MESD: variants seen among roughly 807,000 people sequenced by gnomAD.
MESD encodes the protein mesoderm development LRP chaperone.
Under a neutral mutation model 12.9 loss-of-function variants are expected in MESD, and 7 were observed. The ratio of observed to expected loss-of-function variants is 0.54; its 90% CI spans 0.31 to 1.02. The LOEUF is 1.02. Among genes scored for constraint, MESD ranks in the 50% least tolerant of loss-of-function variants. The probability of loss-of-function intolerance (pLI) is 0.05; values close to 1 mark genes in which losing one functional copy is unlikely to be tolerated. For missense variants in MESD, 342 were observed against 296.7 expected, an observed-to-expected ratio of 1.15 and a Z score of -1.12; for synonymous variants, 126 against 115.6, an observed-to-expected ratio of 1.09 and a Z score of -0.58.
downstream of MESD, among the ~76,000 whole-genome samples, chr15:80,971,211 C>A (rs1902281153): frequency 6.6e-6 from 1 of 152,202 alleles, no homozygotes; most frequent in Non-Finnish European, 1.5e-5. Context: ...TGGCTTTCAG[C>A]TCCAAGCCCT....
intron 3 of MESD, among the ~76,000 whole-genome samples, chr15:80,970,088 G>C (rs1289418958): frequency 6.6e-6 from 1 of 152,172 alleles, no homozygotes; most frequent in East Asian, 1.9e-4. Context: ...GGTGTATGCA[G>C]ATTTTCACAG....
Position 80,982,197 on chromosome 15 carries a change from G to A in MESD, c.214-15C>T. The A allele has an allele frequency of 6.2e-7, 1 of 1,605,298 alleles. No individual in the cohort carries two copies. Among genetic ancestry groups the A allele is most frequent in the Non-Finnish European group, 8.5e-7 (1 of 1,172,722 alleles). On this transcript the variant is annotated splice_polypyrimidine_tract_variant and intron_variant, in intron 1 of 2. Coordinates refer to ENST00000261758, the MANE Select transcript of MESD (RefSeq NM_015154.3). ...TCATCATCTTTCTATCAGATTAGGG[G>A]AAAAGCATCAAACCTATCATCAGAA...
rs563960303 is a variant in MESD at position 80,988,200 on chromosome 15, C to G, written c.213+1379G>C. ...AGCTAGCTTGCTGTGCGATGTGGAG[C>G]AAGTTATTTAACCTCTTTGTGTCTC... On this transcript the variant is annotated intron_variant, in intron 1 of 2. Coordinates refer to ENST00000261758, the MANE Select transcript of MESD (RefSeq NM_015154.3). Among the ~76,000 whole-genome samples the G allele has an allele frequency of 2.0e-5, 3 of 152,318 alleles. No homozygotes were observed. The South Asian group carries it at 6.2e-4, about 32-fold the overall frequency.
intron 1 of MESD, among the ~76,000 whole-genome samples, chr15:80,986,039 T>C (rs1902721553): frequency 6.7e-6 from 1 of 148,220 alleles, no homozygotes; most frequent in Admixed American, 6.7e-5. Context: ...TCAAGAGACT[T>C]AAAAAAAAAA....
chr15:80,963,484 C>G (rs1015596584), intron 3 of MESD, among the ~76,000 whole-genome samples: 6 of 152,150 alleles, frequency 3.9e-5, no homozygotes, highest in African/African-American at 1.4e-4. Context: ...TTTTATGAGG[C>G]CAGCATCATC....
At chr15:80,963,660 C>A (rs768494186) in intron 3 of MESD, among the ~76,000 whole-genome samples, 1 of 152,154 alleles carries the variant, frequency 6.6e-6, no homozygotes, top group Non-Finnish European at 1.5e-5. Context: ...CCCTGGGATG[C>A]GAGGCTGGTT....
At chr15:80,946,962 C>T (rs1158503531), downstream of MESD, 8 of 1,605,116 alleles carry the variant, frequency 5.0e-6, no homozygotes, top group Non-Finnish European at 6.0e-6. Context: ...TCTTCTCACA[C>T]AGTTCCATAG....
chr15:80,981,809 C>T (rs2141812843), intron 2 of MESD, 141 bp downstream of exon 2: 3 of 644,316 alleles, frequency 4.7e-6, no homozygotes, highest in Non-Finnish European at 7.9e-6. Flanking sequence ...GAGCCGAGAT[C>T]ACGCCGCTGC....
intron 1 of MESD, among the ~76,000 whole-genome samples, chr15:80,984,711 T>G (rs1902682679): frequency 6.6e-6 from 1 of 152,170 alleles, no homozygotes; most frequent in Non-Finnish European, 1.5e-5. Context: ...AAAACTAAAA[T>G]GTACACTTTA....
chr15:80,955,616 CGTGTGTGTGTGT>C (rs536028552), intron 3 of MESD, among the ~76,000 whole-genome samples: 6 of 144,902 alleles, frequency 4.1e-5, no homozygotes. Context: ...TGTGTTTGTG[CGTGTGTGTGTGT>C]GTGTGTGTGT....
At chr15:80,980,045 G>A (rs151199371) in intron 2 of MESD, among the ~76,000 whole-genome samples, 23 of 152,328 alleles carry the variant, frequency 1.5e-4, no homozygotes, top group Middle Eastern at 3.4e-3. Context: ...GGAACAAAGC[G>A]GAAAGAATGA....
chr15:80,952,611 A>G (rs1901869534), intron 3 of MESD, among the ~76,000 whole-genome samples: 2 of 149,036 alleles, frequency 1.3e-5, no homozygotes, highest in Admixed American at 1.3e-4. Flanking sequence ...CAAAACAACT[A>G]TGTCTCGTGT....
intron 1 of MESD, among the ~76,000 whole-genome samples, chr15:80,985,664 T>TTTTTTTTG (rs1902710470): frequency 6.8e-6 from 1 of 146,212 alleles, no homozygotes; most frequent in Non-Finnish European, 1.5e-5. Context: ...TTTTTTTTTT[T>TTTTTTTTG]AGATGGGGTC....
intron 1 of MESD, among the ~76,000 whole-genome samples, chr15:80,987,294 C>T (rs1364843090): frequency 6.6e-6 from 1 of 152,122 alleles, no homozygotes; most frequent in African/African-American, 2.4e-5. Flanking sequence ...AAAAAAAGCA[C>T]CCACAGAGAT....
intron 3 of MESD, among the ~76,000 whole-genome samples, chr15:80,964,521 A>T (rs1307735330): frequency 6.6e-6 from 1 of 152,230 alleles, no homozygotes; most frequent in East Asian, 1.9e-4. Context: ...AATCCTAAAC[A>T]AAAAGAACAA....
chr15:80,981,891 T>C (rs1902589187), intron 2 of MESD, 59 bp downstream of exon 2: 1 of 1,142,216 alleles, frequency 8.8e-7, no homozygotes, highest in Non-Finnish European at 1.3e-6. Flanking sequence ...TTAATAATAA[T>C]AATAAAGAAA....
chr15:80,946,627 C>A, downstream of MESD: 1 of 329,402 alleles, frequency 3.0e-6, no homozygotes, highest in Admixed American at 3.8e-5. Flanking sequence ...TATCGAAGTC[C>A]TACTGTGTGC....
At chr15:80,982,261 G>A (rs1902602788) in intron 1 of MESD, 79 bp from the exon 2 acceptor site, 1 of 1,085,366 alleles carries the variant, frequency 9.2e-7, no homozygotes, top group Non-Finnish European at 1.4e-6. Context: ...ACTTCTGCAT[G>A]ATGTCAGGTG....
exon 5 of MESD, chr15:80,948,668 G>A: frequency 1.6e-6 from 2 of 1,229,706 alleles, no homozygotes; most frequent in Non-Finnish European, 1.2e-6. Context: ...TTCCCAAGGG[G>A]CCACAGTGCA....
Sources: gnomAD v4.1 joint callset for allele counts (sites outside exome capture counted in the v4.1 genomes callset) on GRCh38, gnomAD v4.1.1 for gene constraint, MANE v1.5 for transcripts, NCBI Gene and HGNC (gene_info 2026-07-23, HGNC 2026-07-21) for gene names.